MLLT10: variants seen among roughly 807,000 people sequenced by gnomAD.
MLLT10 encodes protein AF-10.
MLLT10 carries 30 observed loss-of-function variants against 129.1 expected under a neutral mutation model. The ratio of observed to expected loss-of-function variants is 0.23; its 90% CI spans 0.17 to 0.32. The LOEUF is 0.32. Among genes scored for constraint, MLLT10 ranks in the 10% least tolerant of loss-of-function variants. The probability of loss-of-function intolerance (pLI) is 1.00; values close to 1 mark genes in which losing one functional copy is unlikely to be tolerated. For synonymous variants in MLLT10, 490 were observed against 446.4 expected, an observed-to-expected ratio of 1.10 and a Z score of -1.23; for missense variants, 1,119 against 1,268.3, an observed-to-expected ratio of 0.88 and a Z score of 1.79.
chr10:21,731,070 C>T lies in MLLT10; in HGVS notation c.2218+16C>T. On this transcript the variant is annotated intron_variant, in intron 17 of 22. Coordinates refer to ENST00000307729, the MANE Select transcript of MLLT10 (RefSeq NM_001195626.3). Reference sequence around the variant, plus strand: ...CCTAGTGACAGTAAGTATTCATTTTCTTATATGTGAATCAAGACAGATGGG... The same window carrying T: ...CCTAGTGACAGTAAGTATTCATTTTTTTATATGTGAATCAAGACAGATGGG... 1 of 1,594,300 alleles carries T rather than the reference C, an allele frequency of 6.3e-7. No homozygotes were observed. The highest frequency in any genetic ancestry group is 8.5e-7 in the Non-Finnish European group (1 of 1,171,502).
intron 21 of MLLT10, chr10:21,738,629 A>G (rs2058579347): frequency 1.1e-6 from 1 of 926,644 alleles, no homozygotes; most frequent in African/African-American, 1.8e-5. Flanking sequence ...CTTCCCCCAG[A>G]TGACTTGCAT....
At chr10:21,740,305 T>G in intron 22 of MLLT10, 69 bp downstream of exon 22, 1 of 1,527,050 alleles carries the variant, frequency 6.5e-7, no homozygotes. Flanking sequence ...ATGATCATTT[T>G]CCAGCCTGGT....
At position 21,733,562 on chromosome 10, in the gene MLLT10, A is replaced by G. The variant is rs139671486; in HGVS notation, c.2466A>G (p.Leu822=). 1.9e-6 allele frequency: 3 copies of G among 1,576,514 alleles called. No individual in the cohort carries two copies. Among genetic ancestry groups the G allele is most frequent in the Non-Finnish European group, 2.6e-6 (3 of 1,165,552 alleles). ...SKSPHIGNSF[L]PDNSLPVLNQ... ...GCCCTCATATAGGAAACAGCTTTTTACCTGATAATTCTCTTCCTGTATTAA... is the reference window on the plus strand; with the variant it reads ...GCCCTCATATAGGAAACAGCTTTTTGCCTGATAATTCTCTTCCTGTATTAA... The change falls in exon 19 of 23, where the codon TTA becomes TTG. Residue 822 remains leucine (L), a synonymous_variant. Coordinates refer to ENST00000307729, the MANE Select transcript of MLLT10 (RefSeq NM_001195626.3).
chr10:21,738,037 A>T (rs2058517841), intron 21 of MLLT10, among the ~76,000 whole-genome samples: 1 of 152,054 alleles, frequency 6.6e-6, no homozygotes, highest in Non-Finnish European at 1.5e-5. Context: ...TGGGAGACGG[A>T]GGTGGGCGGA....
intron 18 of MLLT10, among the ~76,000 whole-genome samples, 179 bp from the exon 19 acceptor site, chr10:21,733,325 C>T (rs1263895797): frequency 2.6e-5 from 4 of 151,872 alleles, no homozygotes; most frequent in Admixed American, 6.6e-5. Flanking sequence ...TGATTTAAAG[C>T]GATGGTATTC....
chr10:21,585,756 C>A (rs1306928788), intron 3 of MLLT10, among the ~76,000 whole-genome samples: 1 of 152,016 alleles, frequency 6.6e-6, no homozygotes, highest in African/African-American at 2.4e-5. Context: ...AAAATTGTGG[C>A]AGGAGTTTTG....
chr10:21,704,357 C>CTCTCTCTCTCTA (rs1343170893), intron 13 of MLLT10, among the ~76,000 whole-genome samples: 1 of 111,882 alleles, frequency 8.9e-6, no homozygotes, highest in Non-Finnish European at 1.8e-5. Flanking sequence ...CTCTCTCTCT[C>CTCTCTCTCTCTA]TATATATATA....
chr10:21,576,344 G>A (rs778979501), intron 3 of MLLT10, among the ~76,000 whole-genome samples: 44 of 150,428 alleles, frequency 2.9e-4, no homozygotes, highest in East Asian at 3.9e-4. Context: ...CCAGGTTCAC[G>A]CCATTCTCCT....
At chr10:21,658,774 C>T (rs1391561332) in intron 9 of MLLT10, among the ~76,000 whole-genome samples, 1 of 152,144 alleles carries the variant, frequency 6.6e-6, no homozygotes, top group Non-Finnish European at 1.5e-5. Flanking sequence ...ATGCATTCTC[C>T]TGCCTCAGCC....
At chr10:21,554,111 T>C (rs1331900721) in intron 3 of MLLT10, among the ~76,000 whole-genome samples, 1 of 152,226 alleles carries the variant, frequency 6.6e-6, no homozygotes, top group Non-Finnish European at 1.5e-5. Flanking sequence ...TGTTTTGGAA[T>C]GTGAGTTTAG....
intron 4 of MLLT10, among the ~76,000 whole-genome samples, chr10:21,594,478 AGGAGGCGGAGGTCGC>A (rs1362724680): frequency 4.1e-5 from 6 of 147,006 alleles, no homozygotes; most frequent in African/African-American, 1.5e-4. Context: ...GCTTGAACCC[AGGAGGCGGAGGTCGC>A]GGTGAGACGA....
At chr10:21,641,990 G>T (rs1466649373) in intron 8 of MLLT10, among the ~76,000 whole-genome samples, 1 of 152,166 alleles carries the variant, frequency 6.6e-6, no homozygotes, top group Non-Finnish European at 1.5e-5. Context: ...GAGGATCATG[G>T]TCTAACACTT....
chr10:21,700,940 A>C (rs1208852599), intron 13 of MLLT10, among the ~76,000 whole-genome samples: 1 of 152,158 alleles, frequency 6.6e-6, no homozygotes, highest in Non-Finnish European at 1.5e-5. Context: ...AGAATTCAGC[A>C]TTGAATCTAT....
At chr10:21,630,247 T>C (rs1436270147) in intron 8 of MLLT10, among the ~76,000 whole-genome samples, 1 of 152,182 alleles carries the variant, frequency 6.6e-6, no homozygotes, top group Non-Finnish European at 1.5e-5. Context: ...ATAGATGTAG[T>C]GGAACTAGGG....
chr10:21,632,051 C>T (rs2047060732), intron 8 of MLLT10, among the ~76,000 whole-genome samples: 1 of 150,382 alleles, frequency 6.6e-6, no homozygotes, highest in Non-Finnish European at 1.5e-5. Flanking sequence ...TATTATTTAA[C>T]TGAGTAGTAT....
At chr10:21,580,775 C>G (rs1204025205) in intron 3 of MLLT10, among the ~76,000 whole-genome samples, 1 of 151,744 alleles carries the variant, frequency 6.6e-6, no homozygotes, top group African/African-American at 2.4e-5. Flanking sequence ...GATCTTGACT[C>G]ACTGAAACCT....
At chr10:21,669,647 A>C (rs1483792235) in intron 9 of MLLT10, among the ~76,000 whole-genome samples, 6 of 152,172 alleles carry the variant, frequency 3.9e-5, no homozygotes, top group Admixed American at 1.3e-4. Context: ...GGACTTTATA[A>C]ACCTTTGATT....
intron 14 of MLLT10, among the ~76,000 whole-genome samples, chr10:21,714,519 A>G (rs1378981021): frequency 6.6e-6 from 1 of 152,098 alleles, no homozygotes; most frequent in East Asian, 1.9e-4. Context: ...TTGATAGGTG[A>G]CCTAGTCTAT....
intron 8 of MLLT10, among the ~76,000 whole-genome samples, chr10:21,645,802 A>G (rs2048415530): frequency 6.6e-6 from 1 of 152,204 alleles, no homozygotes. Context: ...TGAACTTACA[A>G]GTATTATCTT....
Sources: gnomAD v4.1 joint callset for allele counts (sites outside exome capture counted in the v4.1 genomes callset) on GRCh38, gnomAD v4.1.1 for gene constraint, MANE v1.5 for transcripts, NCBI Gene and HGNC (gene_info 2026-07-23, HGNC 2026-07-21) for gene names.